ANO10: variants seen among roughly 807,000 people sequenced by gnomAD.
ANO10 encodes anoctamin 10.
In ANO10, 77 loss-of-function variants were observed where a neutral mutation model predicts 74.7. That is an observed-to-expected ratio of 1.03 (90% CI 0.86 to 1.25). The LOEUF (loss-of-function observed/expected upper bound fraction) is 1.25, where lower values mean the gene tolerates loss of function less well. ANO10 is among the 50% of genes most tolerant of loss of function. The pLI is 0.00. For missense variants in ANO10, 721 were observed against 778.1 expected (o/e 0.93, Z 0.87); for synonymous variants, 279 against 284.9 (o/e 0.98, Z 0.21).
intron 10 of ANO10, among the ~76,000 whole-genome samples, chr3:43,554,810 G>T (rs2079657719): frequency 6.6e-6 from 1 of 152,108 alleles, no homozygotes; most frequent in African/African-American, 2.4e-5. Flanking sequence ...ACTGTGCAGG[G>T]TTGTGGTGAA....
intron 7 of ANO10, among the ~76,000 whole-genome samples, chr3:43,571,343 C>A (rs1327508329): frequency 1.8e-4 from 27 of 151,898 alleles, no homozygotes; most frequent in Non-Finnish European, 2.8e-4. Flanking sequence ...GAGTATATAC[C>A]CAAAGGACTA....
chr3:43,654,104 T>C (rs549133565), intron 1 of ANO10, among the ~76,000 whole-genome samples: 18 of 152,232 alleles, frequency 1.2e-4, no homozygotes, highest in Non-Finnish European at 2.5e-4. Flanking sequence ...GCTCTGAAGA[T>C]ACTCTTCTTT....
chr3:43,493,601 T>C (rs561684427), intron 11 of ANO10, among the ~76,000 whole-genome samples: 2 of 152,090 alleles, frequency 1.3e-5, no homozygotes, highest in East Asian at 1.9e-4. Flanking sequence ...TAAAAAATAA[T>C]TTAAGGTTAA....
At chr3:43,480,966 G>T (rs1358309144) in intron 11 of ANO10, among the ~76,000 whole-genome samples, 1 of 12,404 alleles carries the variant, frequency 8.1e-5, no homozygotes, top group Non-Finnish European at 3.3e-4. Flanking sequence ...CCACTACATT[G>T]TATTATTGTA....
chr3:43,489,209 T>G (rs867595509), intron 11 of ANO10, among the ~76,000 whole-genome samples: 1 of 148,256 alleles, frequency 6.7e-6, no homozygotes, highest in South Asian at 2.2e-4. Flanking sequence ...TTGGGAGATA[T>G]ACCTAATGCT....
intron 11 of ANO10, among the ~76,000 whole-genome samples, chr3:43,487,335 G>T (rs2076534319): frequency 6.6e-6 from 1 of 152,130 alleles, no homozygotes; most frequent in Non-Finnish European, 1.5e-5. Context: ...AGTTAGGGAG[G>T]ATTCCCTCTT....
chr3:43,657,141 C>T (rs1273373988), intron 1 of ANO10, among the ~76,000 whole-genome samples: 2 of 152,208 alleles, frequency 1.3e-5, no homozygotes, highest in Non-Finnish European at 2.9e-5. Context: ...TTAGGGGATC[C>T]TTTTCCTGTC....
intron 11 of ANO10, among the ~76,000 whole-genome samples, chr3:43,466,264 G>A (rs535033818): frequency 2.0e-5 from 3 of 151,350 alleles, no homozygotes; most frequent in East Asian, 1.9e-4. Context: ...CCAGCTACTC[G>A]GGAGGCTGAG....
intron 11 of ANO10, among the ~76,000 whole-genome samples, chr3:43,534,149 T>C (rs1056240666): frequency 1.3e-5 from 2 of 152,174 alleles, no homozygotes; most frequent in African/African-American, 4.8e-5. Flanking sequence ...AGAGAATAAG[T>C]ACATAAAATT....
chr3:43,670,746 A>G lies in ANO10; in HGVS notation c.-12+20771T>C, dbSNP rs149645077. On this transcript the variant is annotated intron_variant, in intron 1 of 3. Transcript: ENST00000413397. ...AAAGTAGATCTATGGCTGGTAGCAC[A>G]GTGGTTACTGTTCCATACTAGAGCC... 2.2e-3 allele frequency among the ~76,000 whole-genome samples: 329 copies of G among 152,322 alleles called. 3 individuals are homozygous for G. The highest frequency in any genetic ancestry group is 6.0e-3 in the South Asian group (29 of 4,822).
At chr3:43,423,311 AT>A (rs1188209252) in intron 12 of ANO10, among the ~76,000 whole-genome samples, 1 of 152,092 alleles carries the variant, frequency 6.6e-6, no homozygotes, top group Non-Finnish European at 1.5e-5. Context: ...GTCCTTATTT[AT>A]TTAATATATT....
chr3:43,464,187 T>C (rs2075513064), intron 11 of ANO10, among the ~76,000 whole-genome samples: 1 of 151,488 alleles, frequency 6.6e-6, no homozygotes, highest in Non-Finnish European at 1.5e-5. Context: ...CTACACAGCC[T>C]CTCTCTGAAA....
chr3:43,475,257 G>A lies in ANO10; in HGVS notation c.1798-42530C>T, dbSNP rs549718690. ...AATGTTGGACATATAGCTCCTTCTCGGTCTTGAACCTTACACACAACATTA... is the reference window on the plus strand; with the variant it reads ...AATGTTGGACATATAGCTCCTTCTCAGTCTTGAACCTTACACACAACATTA... On this transcript the variant is annotated intron_variant, in intron 11 of 12. Coordinates refer to ENST00000292246, the MANE Select transcript of ANO10 (RefSeq NM_018075.5). 3.6e-4 allele frequency among the ~76,000 whole-genome samples: 55 copies of A among 152,068 alleles called. 2 individuals carry two copies. In the South Asian group the frequency reaches 0.01, roughly 29 times the overall value.
At chr3:43,489,642 CAGTT>C (rs1472908513) in intron 11 of ANO10, among the ~76,000 whole-genome samples, 1 of 152,050 alleles carries the variant, frequency 6.6e-6, no homozygotes, top group Non-Finnish European at 1.5e-5. Flanking sequence ...GGAGATTACA[CAGTT>C]AGACAGAATG....
upstream of ANO10, among the ~76,000 whole-genome samples, chr3:43,623,488 A>G (rs903468913): frequency 6.6e-5 from 10 of 152,224 alleles, no homozygotes; most frequent in African/African-American, 2.2e-4. Flanking sequence ...ACCAGCCCCA[A>G]TGTTTAGAAC....
At chr3:43,541,962 C>G (rs149513236) in intron 11 of ANO10, among the ~76,000 whole-genome samples, 57 of 152,280 alleles carry the variant, frequency 3.7e-4, no homozygotes, top group African/African-American at 1.3e-3. Context: ...GCCATGGACA[C>G]CCATGTGAGG....
Position 43,490,556 on chromosome 3 carries a change from T to C in ANO10, c.1798-57829A>G, listed in dbSNP as rs138959427. Among the ~76,000 whole-genome samples the C allele has an allele frequency of 4.4e-3, 663 of 152,286 alleles. 4 individuals carry two copies. The highest frequency in any genetic ancestry group is 0.015 in the African/African-American group (633 of 41,556). ...GTAGGCATCATCACAGAACAGATACTTGCTATGTACTCAAACTGGTCTAGA... is the reference window on the plus strand; with the variant it reads ...GTAGGCATCATCACAGAACAGATACCTGCTATGTACTCAAACTGGTCTAGA... On this transcript the variant is annotated intron_variant, in intron 11 of 12. Transcript: ENST00000292246.
intron 12 of ANO10, among the ~76,000 whole-genome samples, chr3:43,428,818 A>AAAAAAAAAAAAAAAAAAT (rs2092938451): frequency 6.7e-6 from 1 of 148,502 alleles, no homozygotes; most frequent in Non-Finnish European, 1.5e-5. Flanking sequence ...AAAAAAAAAA[A>AAAAAAAAAAAAAAAAAAT]GTCATTGAAG....
At chr3:43,571,906 T>C (rs2080750472) in intron 7 of ANO10, among the ~76,000 whole-genome samples, 1 of 134,006 alleles carries the variant, frequency 7.5e-6, no homozygotes, top group Non-Finnish European at 1.6e-5. Context: ...ACTTCCAGTC[T>C]AAATGAAATG....
Sources: gnomAD v4.1 joint callset for allele counts (sites outside exome capture counted in the v4.1 genomes callset) on GRCh38, gnomAD v4.1.1 for gene constraint, MANE v1.5 for transcripts, NCBI Gene and HGNC (gene_info 2026-07-23, HGNC 2026-07-21) for gene names.